Variants in LMO7 observed in about 807,000 individuals in gnomAD.
LMO7 encodes LIM domain only protein 7.
A neutral mutation model predicts 206.5 loss-of-function variants in LMO7; 120 were observed. That is an observed-to-expected ratio of 0.58 (90% CI 0.50 to 0.68). LMO7 has a LOEUF of 0.68. LMO7 is among the 30% of genes least tolerant of loss of function. LMO7 has a pLI of 0.00. For synonymous variants in LMO7, 706 were observed against 681.5 expected, an observed-to-expected ratio of 1.04 and a Z score of -0.56; for missense variants, 1,959 against 1,957.9, an observed-to-expected ratio of 1.00 and a Z score of -0.01.
rs115723775 is a variant in LMO7, at chr13:75,707,714, A to G, written c.70-5468A>G. Reference sequence around the variant, plus strand: ...CCACGTCTTCAAAATATAAGCTATTATTTAAAACCTTTGTTTAGTTTTTAT... The same window carrying G: ...CCACGTCTTCAAAATATAAGCTATTGTTTAAAACCTTTGTTTAGTTTTTAT... On this transcript the variant is annotated intron_variant, in intron 1 of 30. Coordinates refer to ENST00000377534, the MANE Select transcript of LMO7 (RefSeq NM_001306080.2). Among the ~76,000 whole-genome samples, 835 of 152,316 alleles carry G rather than the reference A, an allele frequency of 5.5e-3. 16 individuals are homozygous for G. The highest frequency in any genetic ancestry group is 0.019 in the African/African-American group (780 of 41,584).
intron 15 of LMO7, among the ~76,000 whole-genome samples, chr13:75,826,370 A>G (rs1471450665): frequency 6.6e-6 from 1 of 152,096 alleles, no homozygotes; most frequent in African/African-American, 2.4e-5. Context: ...CCTGGCTTCC[A>G]CTATGCTAAT....
intron 4 of LMO7, among the ~76,000 whole-genome samples, chr13:75,771,205 C>A (rs2049611327): frequency 6.6e-6 from 1 of 151,918 alleles, no homozygotes; most frequent in South Asian, 2.1e-4. Flanking sequence ...AGTCTCAGAT[C>A]ATTTATTTGA....
At chr13:75,829,599 G>A (rs116230590) in intron 15 of LMO7, among the ~76,000 whole-genome samples, 309 of 152,164 alleles carry the variant, frequency 2.0e-3, no homozygotes, top group African/African-American at 7.2e-3. Flanking sequence ...TTTACTTTTA[G>A]GGTTAACTTT....
chr13:75,822,827 T>TATATATATATATATAATAAA (rs1555337641), intron 14 of LMO7, among the ~76,000 whole-genome samples: 37 of 12,964 alleles, frequency 2.9e-3, no homozygotes, highest in South Asian at 0.026. Context: ...TATAATAAAA[T>TATATATATATATATAATAAA]ATATATATAT....
At chr13:75,746,208 G>A (rs1232784803) in intron 3 of LMO7, among the ~76,000 whole-genome samples, 1 of 152,050 alleles carries the variant, frequency 6.6e-6, no homozygotes, top group Non-Finnish European at 1.5e-5. Context: ...GTGGGGGTAG[G>A]GGAAAATCAA....
chr13:75,777,290 C>T (rs2050640095), intron 4 of LMO7, among the ~76,000 whole-genome samples: 1 of 152,152 alleles, frequency 6.6e-6, no homozygotes, highest in South Asian at 2.1e-4. Context: ...TAAGGCTAGC[C>T]TTAAATTTTA....
At chr13:75,844,779 A>G (rs536606354) in intron 25 of LMO7, among the ~76,000 whole-genome samples, 9 of 152,202 alleles carry the variant, frequency 5.9e-5, no homozygotes, top group African/African-American at 2.2e-4. Context: ...TGATTTATAC[A>G]CCTACATTTT....
chr13:75,699,539 G>A (rs1235955362), intron 1 of LMO7, among the ~76,000 whole-genome samples: 3 of 152,046 alleles, frequency 2.0e-5, no homozygotes, highest in African/African-American at 4.8e-5. Flanking sequence ...GTCTCCGGGG[G>A]TGACATCACA....
At chr13:75,703,102 T>C (rs2042390717) in intron 1 of LMO7, among the ~76,000 whole-genome samples, 2 of 152,238 alleles carry the variant, frequency 1.3e-5, no homozygotes, top group Admixed American at 1.3e-4. Flanking sequence ...AATAAAGTGA[T>C]GTCAAGAACT....
chr13:75,733,133 G>C (rs2045435534), intron 3 of LMO7, among the ~76,000 whole-genome samples: 1 of 152,214 alleles, frequency 6.6e-6, no homozygotes, highest in Non-Finnish European at 1.5e-5. Flanking sequence ...TGCGTGCTGG[G>C]AGAACCACTG....
At chr13:75,782,414 C>T (rs910260458) in intron 4 of LMO7, among the ~76,000 whole-genome samples, 1 of 152,206 alleles carries the variant, frequency 6.6e-6, no homozygotes, top group Non-Finnish European at 1.5e-5. Context: ...TGCTTAATCT[C>T]ATTAAGCTTC....
At chr13:75,733,845 C>A (rs634729) in intron 3 of LMO7, among the ~76,000 whole-genome samples, 2 of 152,030 alleles carry the variant, frequency 1.3e-5, no homozygotes, top group Non-Finnish European at 2.9e-5. Flanking sequence ...GTTTCCTTTC[C>A]TGGCTTATTT....
At chr13:75,693,795 A>G (rs1230141726) in intron 1 of LMO7, among the ~76,000 whole-genome samples, 1 of 152,080 alleles carries the variant, frequency 6.6e-6, no homozygotes, top group Non-Finnish European at 1.5e-5. Context: ...AGAGGCAGTG[A>G]GGCTGGTTTT....
intron 7 of LMO7, 123 bp from the exon 8 acceptor site, chr13:75,804,166 T>G: frequency 1.0e-6 from 1 of 979,136 alleles, no homozygotes; most frequent in Non-Finnish European, 1.5e-6. Flanking sequence ...TCTAAAAATA[T>G]TCCCTGCAGT....
chr13:75,704,214 C>G (rs946068584), intron 1 of LMO7, among the ~76,000 whole-genome samples: 1 of 152,120 alleles, frequency 6.6e-6, no homozygotes, highest in African/African-American at 2.4e-5. Flanking sequence ...GGTCATGATA[C>G]GTGAACACTT....
chr13:75,770,973 A>G (rs2049567417), intron 4 of LMO7, among the ~76,000 whole-genome samples: 1 of 152,080 alleles, frequency 6.6e-6, no homozygotes, highest in South Asian at 2.1e-4. Flanking sequence ...ACAAACTTAT[A>G]CAGACTTTAA....
chr13:75,696,261 A>C (rs2041894138), intron 1 of LMO7, among the ~76,000 whole-genome samples: 1 of 152,198 alleles, frequency 6.6e-6, no homozygotes, highest in Admixed American at 6.5e-5. Flanking sequence ...AAGCTGAGGC[A>C]GGAGAATGGC....
chr13:75,783,674 G>A (rs141865371), intron 4 of LMO7, among the ~76,000 whole-genome samples: 2 of 152,142 alleles, frequency 1.3e-5, no homozygotes, highest in Non-Finnish European at 2.9e-5. Flanking sequence ...GAGCTTGAAT[G>A]AGTTTTTCTT....
intron 4 of LMO7, among the ~76,000 whole-genome samples, chr13:75,782,850 T>G (rs902909348): frequency 6.6e-6 from 1 of 152,230 alleles, no homozygotes; most frequent in Admixed American, 6.5e-5. Flanking sequence ...CTTGTGATTA[T>G]GTTTAGGACC....
Sources: allele counts gnomAD v4.1 joint callset (sites outside exome capture counted in the v4.1 genomes callset), GRCh38; gene constraint gnomAD v4.1.1; transcripts MANE v1.5; gene names NCBI Gene and HGNC (gene_info 2026-07-23, HGNC 2026-07-21).